Variants in TXLNA observed in about 807,000 individuals in gnomAD.
TXLNA encodes the protein alpha-taxilin.
TXLNA carries 9 observed loss-of-function variants against 61.4 expected under a neutral mutation model. That is an observed-to-expected ratio of 0.15 (90% CI 0.09 to 0.26). TXLNA has a LOEUF of 0.26. Among genes scored for constraint, TXLNA ranks in the 10% least tolerant of loss-of-function variants. The pLI is 1.00. For synonymous variants in TXLNA, 257 were observed against 267.7 expected (o/e 0.96, Z 0.39); for missense variants, 565 against 688.8 (o/e 0.82, Z 2.01).
intron 2 of TXLNA, among the ~76,000 whole-genome samples, chr1:32,180,963 G>A (rs1279022401): frequency 1.3e-5 from 2 of 152,172 alleles, no homozygotes; most frequent in Non-Finnish European, 2.9e-5. Flanking sequence ...ATGTTCGGGT[G>A]GTAGTGAGAA....
Position 32,194,206 on chromosome 1 carries a change from C to T in TXLNA, c.1347+46C>T, listed in dbSNP as rs761401836. ...AGCCAGGGTGGGGGTGTGCACTTAG[C>T]GCATATCAGGCCCTTTCCTGTATGT... On this transcript the variant is annotated intron_variant, in intron 10 of 10. Transcript: ENST00000373610. 1.9e-5 allele frequency: 29 copies of T among 1,494,050 alleles called. No homozygotes were observed. In the South Asian group the frequency reaches 2.5e-4, roughly 13 times the overall value. 92.5% of individuals were successfully genotyped at this position (1,494,050 alleles called of 1,614,324 possible). A position where few individuals can be genotyped will look rare whatever the true frequency, so the allele number is the denominator to read the frequency against.
At chr1:32,187,557 G>A (rs1642814007) in intron 4 of TXLNA, among the ~76,000 whole-genome samples, 1 of 152,288 alleles carries the variant, frequency 6.6e-6, no homozygotes, top group East Asian at 1.9e-4. Flanking sequence ...ATGCGAGGGA[G>A]CGATGGGGGT....
At chr1:32,181,201 G>A in intron 2 of TXLNA, 41 bp from the exon 3 acceptor site, 1 of 1,475,564 alleles carries the variant, frequency 6.8e-7, no homozygotes, top group East Asian at 2.3e-5. Flanking sequence ...TGGTATAATC[G>A]TCTTCTTTCT....
Position 32,197,240 on chromosome 1 carries a change from G to C in TXLNA, c.*2045G>C, listed in dbSNP as rs1465614906. On this transcript the variant is annotated 3_prime_UTR_variant, in exon 11 of 11. Transcript: ENST00000373610. This position sits in a 1 kb window ranked among gnomAD's most constrained non-coding sequence, Gnocchi z 4.6. ...AGGTATGCACCTTCCCCCTTGAAGA[G>C]AGGGGAAAGGCCTACAGTGGCCCAC... 1 of 152,294 alleles carries C rather than the reference G, an allele frequency of 6.6e-6. No homozygotes were observed. The highest frequency in any genetic ancestry group is 1.5e-5 in the Non-Finnish European group (1 of 68,082). 9.4% of individuals were successfully genotyped at this position (152,294 alleles called of 1,614,324 possible).
At chr1:32,180,103 C>T (rs1346292684) in intron 1 of TXLNA, 3 of 472,140 alleles carry the variant, frequency 6.4e-6, no homozygotes, top group African/African-American at 4.0e-5. Context: ...GGCCTCTTCC[C>T]TCACCCGCTG....
chr1:32,187,606 C>G (rs1642815333), intron 4 of TXLNA, among the ~76,000 whole-genome samples: 1 of 152,172 alleles, frequency 6.6e-6, no homozygotes, highest in South Asian at 2.1e-4. Flanking sequence ...AGCAGGTGGT[C>G]TCATCCTCGG....
intron 9 of TXLNA, 145 bp downstream of exon 9, chr1:32,193,445 C>A: frequency 1.5e-6 from 1 of 668,470 alleles, no homozygotes; most frequent in South Asian, 1.7e-5. Context: ...CCTCTTGAGG[C>A]AGTATCAGTG....
chr1:32,188,732 C>T (rs1386260414), intron 5 of TXLNA, among the ~76,000 whole-genome samples: 1 of 151,712 alleles, frequency 6.6e-6, no homozygotes, highest in East Asian at 1.9e-4. Context: ...AATCATTTGA[C>T]ATGTATTAGA....
Position 32,196,209 on chromosome 1 carries a change from C to T in TXLNA, c.*1014C>T, listed in dbSNP as rs1375755850. ...AGGAAAGGGCTTCTGATGGCTTTGC[C>T]ACAAGCTTACCTGTGGGTTTCAGTC... On this transcript the variant is annotated 3_prime_UTR_variant, in exon 11 of 11. Transcript: ENST00000373610. The T allele has an allele frequency of 2.0e-5, 3 of 153,736 alleles. No individual in the cohort carries two copies. Among genetic ancestry groups the T allele is most frequent in the African/African-American group, 7.2e-5 (3 of 41,398 alleles). The allele number at this position is 153,736 out of a possible 1,614,324, so 9.5% of individuals were successfully genotyped here.
rs191234534 is a variant in TXLNA at position 32,184,779 on chromosome 1, G to A, written c.597+163G>A. ...AATCACTTCCAGCCAGCCTCTTCAG[G>A]GCTGTGCAGCAAGAGGAGAAACTGC... On this transcript the variant is annotated intron_variant, in intron 4 of 10. Coordinates refer to ENST00000373610, the MANE Select transcript of TXLNA (RefSeq NM_175852.4). 1.6e-3 allele frequency among the ~76,000 whole-genome samples: 249 copies of A among 152,244 alleles called. 4 individuals carry two copies. Among genetic ancestry groups the A allele is most frequent in the Admixed American group, 0.016 (239 of 15,278 alleles).
chr1:32,191,593 G>A (rs1275012785), intron 6 of TXLNA, among the ~76,000 whole-genome samples: 23 of 152,066 alleles, frequency 1.5e-4, no homozygotes, highest in Non-Finnish European at 3.4e-4. Context: ...ACTACCTGTG[G>A]AGAAGGAGGT....
chr1:32,183,664 T>G (rs1642719763), intron 3 of TXLNA, among the ~76,000 whole-genome samples: 1 of 150,354 alleles, frequency 6.7e-6, no homozygotes. Flanking sequence ...TCTCCTGACC[T>G]CGTGATCCGC....
In TXLNA at chr1:32,196,946, T is replaced by C. The variant is rs1163069692; in HGVS notation, c.*1751T>C. On this transcript the variant is annotated 3_prime_UTR_variant, in exon 11 of 11. Transcript: ENST00000373610. ...TGCATCAGAGTTGCCTGCTATTCTC[T>C]GGTGTATCCTTCACATCTAGGTGCC... 4 of 152,276 alleles carry C rather than the reference T, an allele frequency of 2.6e-5. No individual in the cohort carries two copies. Among genetic ancestry groups the C allele is most frequent in the Admixed American group, 2.6e-4 (4 of 15,288 alleles). 9.4% of individuals were successfully genotyped at this position (152,276 alleles called of 1,614,324 possible).
At chr1:32,187,758 C>A (rs749394049) in intron 4 of TXLNA, among the ~76,000 whole-genome samples, 196 bp from the exon 5 acceptor site, 1 of 152,150 alleles carries the variant, frequency 6.6e-6, no homozygotes, top group Non-Finnish European at 1.5e-5. Flanking sequence ...TCTGTCCCTA[C>A]GGTGGAGCCT....
chr1:32,190,289 TG>T, intron 6 of TXLNA, 40 bp downstream of exon 6: 1 of 1,546,950 alleles, frequency 6.5e-7, no homozygotes. Flanking sequence ...CCAGAAATTG[TG>T]AGGTTTTGAG....
At chr1:32,188,441 C>A (rs1192388703) in intron 5 of TXLNA, among the ~76,000 whole-genome samples, 4 of 152,134 alleles carry the variant, frequency 2.6e-5, no homozygotes, top group Admixed American at 6.6e-5. Flanking sequence ...GAGTTTGAGA[C>A]CAACCTGGTC....
Position 32,187,213 on chromosome 1 carries a change from C to G in TXLNA, c.598-741C>G, listed in dbSNP as rs369556329. Among the ~76,000 whole-genome samples, 7 of 152,310 alleles carry G rather than the reference C, an allele frequency of 4.6e-5. No homozygotes were observed. The East Asian group carries it at 1.4e-3, about 29-fold the overall frequency. On this transcript the variant is annotated intron_variant, in intron 4 of 10. Coordinates refer to ENST00000373610, the MANE Select transcript of TXLNA (RefSeq NM_175852.4). ...CACCACTCCCGGCCTCACTTTTTTA[C>G]ATTGATTCCGTGTTGAAATTGTAAT...
intron 5 of TXLNA, 102 bp from the exon 6 acceptor site, chr1:32,189,953 G>A (rs1387168451): frequency 1.8e-5 from 23 of 1,265,132 alleles, no homozygotes; most frequent in Non-Finnish European, 2.2e-5. Context: ...TCCACGCTTT[G>A]GGAGCAGGGA....
chr1:32,184,195 AT>A (rs1642733763), intron 3 of TXLNA, among the ~76,000 whole-genome samples: 1 of 152,308 alleles, frequency 6.6e-6, no homozygotes, highest in East Asian at 1.9e-4. Flanking sequence ...GTAGCCCTGA[AT>A]TCATAAGTGG....
Sources: allele counts gnomAD v4.1 joint callset (sites outside exome capture counted in the v4.1 genomes callset), GRCh38; gene constraint gnomAD v4.1.1; non-coding constraint Gnocchi (gnomAD v3.1); transcripts MANE v1.5; gene names NCBI Gene and HGNC (gene_info 2026-07-23, HGNC 2026-07-21).